LRRIQ3: variants seen among roughly 807,000 people sequenced by gnomAD.
LRRIQ3 encodes leucine rich repeats and IQ motif containing 3.
A neutral mutation model predicts 59.3 loss-of-function variants in LRRIQ3; 75 were observed. The observed-to-expected ratio is 1.26, with a 90% confidence interval of 1.05 to 1.53. The LOEUF is 1.53. Among genes scored for constraint, LRRIQ3 ranks in the 40% most tolerant of loss-of-function variants. The probability of loss-of-function intolerance (pLI) is 0.00; values close to 1 mark genes in which losing one functional copy is unlikely to be tolerated. For synonymous variants in LRRIQ3, 250 were observed against 231.3 expected, an observed-to-expected ratio of 1.08 and a Z score of -0.73; for missense variants, 831 against 710.0, an observed-to-expected ratio of 1.17 and a Z score of -1.94.
At chr1:74,153,581 A>C (rs1374561828) in intron 4 of LRRIQ3, among the ~76,000 whole-genome samples, 1 of 152,158 alleles carries the variant, frequency 6.6e-6, no homozygotes, top group Non-Finnish European at 1.5e-5. Flanking sequence ...AGTATTTTTG[A>C]GCACCTAACA....
intron 4 of LRRIQ3, among the ~76,000 whole-genome samples, chr1:74,145,726 T>A (rs1647527812): frequency 6.6e-6 from 1 of 152,114 alleles, no homozygotes; most frequent in Admixed American, 6.6e-5. Context: ...CTTAATTATA[T>A]TTGTATTAAG....
intron 4 of LRRIQ3, among the ~76,000 whole-genome samples, chr1:74,141,116 A>T (rs1647235313): frequency 1.3e-5 from 2 of 151,836 alleles, no homozygotes; most frequent in African/African-American, 4.8e-5. Context: ...ATTAGGAATC[A>T]TAATTTGCGT....
intron 3 of LRRIQ3, among the ~76,000 whole-genome samples, chr1:74,176,579 G>A (rs1649652182): frequency 6.6e-6 from 1 of 152,086 alleles, no homozygotes; most frequent in Admixed American, 6.6e-5. Context: ...AGACTCTGAT[G>A]ACATGAAAGT....
intron 4 of LRRIQ3, among the ~76,000 whole-genome samples, chr1:74,124,499 G>C (rs1160654488): frequency 6.6e-6 from 1 of 151,794 alleles, no homozygotes; most frequent in African/African-American, 2.4e-5. Context: ...TGAGGTATTA[G>C]CGTTAAGCTG....
intron 4 of LRRIQ3, among the ~76,000 whole-genome samples, chr1:74,132,833 G>C (rs1002766054): frequency 8.5e-5 from 13 of 152,204 alleles, no homozygotes; most frequent in African/African-American, 2.9e-4. Flanking sequence ...AACATCAAAA[G>C]CAATGGCAAC....
chr1:74,160,238 T>C (rs1648582106), intron 3 of LRRIQ3, among the ~76,000 whole-genome samples: 1 of 152,082 alleles, frequency 6.6e-6, no homozygotes, highest in Admixed American at 6.6e-5. Flanking sequence ...AACACGAAAC[T>C]ACTTGTTGTC....
At chr1:74,089,123 C>T (rs1646366502) in intron 5 of LRRIQ3, among the ~76,000 whole-genome samples, 1 of 152,004 alleles carries the variant, frequency 6.6e-6, no homozygotes, top group South Asian at 2.1e-4. Context: ...ACTTTGTATC[C>T]TGTAGAACAG....
chr1:74,141,678 AT>A (rs1468870815), intron 4 of LRRIQ3, among the ~76,000 whole-genome samples: 12 of 151,868 alleles, frequency 7.9e-5, no homozygotes, highest in Admixed American at 3.3e-4. Context: ...TTGATAAAAA[AT>A]GTTCTGATTT....
chr1:74,117,918 T>C (rs1036432515), intron 4 of LRRIQ3, among the ~76,000 whole-genome samples: 2 of 151,960 alleles, frequency 1.3e-5, no homozygotes, highest in Non-Finnish European at 2.9e-5. Context: ...ATATGTAAAT[T>C]TACAGGGTTT....
chr1:74,121,265 T>C (rs1367111210), intron 4 of LRRIQ3, among the ~76,000 whole-genome samples: 2 of 152,160 alleles, frequency 1.3e-5, no homozygotes, highest in East Asian at 3.9e-4. Context: ...CTAGATATCA[T>C]TCTTATTTTG....
chr1:74,144,967 T>C (rs1647468821), intron 4 of LRRIQ3, among the ~76,000 whole-genome samples: 1 of 152,030 alleles, frequency 6.6e-6, no homozygotes, highest in Non-Finnish European at 1.5e-5. Flanking sequence ...TATTTTTACC[T>C]ACAGAAATAT....
At chr1:74,102,671 T>C (rs1267838684) in intron 5 of LRRIQ3, among the ~76,000 whole-genome samples, 1 of 152,018 alleles carries the variant, frequency 6.6e-6, no homozygotes, top group Non-Finnish European at 1.5e-5. Flanking sequence ...GAACACTTCC[T>C]AGTTCCTTTC....
At chr1:74,192,789 T>C (rs1650850575) in intron 1 of LRRIQ3, among the ~76,000 whole-genome samples, 1 of 152,192 alleles carries the variant, frequency 6.6e-6, no homozygotes, top group Non-Finnish European at 1.5e-5. Context: ...ATATTCAGAA[T>C]ATAACGTATG....
At position 74,041,804 on chromosome 1, in the gene LRRIQ3, TG is replaced by T; in HGVS notation, c.1126del (p.His376IlefsTer29). ...TGGCTGAGGATATGCAGGAAAAAAATGTTGTTTTTTCTCTCTCAATACTGCA... is the reference window on the plus strand; with the variant it reads ...TGGCTGAGGATATGCAGGAAAAAAATTTGTTTTTTCTCTCTCAATACTGCA... ...NNAVLREKKQ[H>X]FFPAYPQPIY... On this transcript the variant is annotated frameshift_variant, in exon 7 of 8. Transcript: ENST00000354431. LOFTEE classifies it high-confidence loss of function. 1 of 1,613,414 alleles carries T rather than the reference TG, an allele frequency of 6.2e-7. No individual in the cohort carries two copies. The highest frequency in any genetic ancestry group is 8.5e-7 in the Non-Finnish European group (1 of 1,179,694).
intron 6 of LRRIQ3, among the ~76,000 whole-genome samples, chr1:74,074,203 A>C (rs763545314): frequency 2.0e-5 from 3 of 152,132 alleles, no homozygotes; most frequent in Non-Finnish European, 4.4e-5. Flanking sequence ...GATATCCATA[A>C]AGTAACCTTC....
At chr1:74,027,177 A>T (rs561639323) in intron 7 of LRRIQ3, among the ~76,000 whole-genome samples, 14 of 152,234 alleles carry the variant, frequency 9.2e-5, no homozygotes, top group African/African-American at 3.4e-4. Context: ...TATAATTAAA[A>T]ATTCTCACAA....
At chr1:74,049,267 C>T (rs1489189679) in intron 6 of LRRIQ3, among the ~76,000 whole-genome samples, 4 of 152,086 alleles carry the variant, frequency 2.6e-5, no homozygotes, top group African/African-American at 4.8e-5. Context: ...TGGTAGGTCA[C>T]AGAATAAAAG....
At chr1:74,049,353 T>G (rs894216074) in intron 6 of LRRIQ3, among the ~76,000 whole-genome samples, 1 of 152,150 alleles carries the variant, frequency 6.6e-6, no homozygotes, top group Admixed American at 6.6e-5. Context: ...ATGAAGACAA[T>G]GGATTTGAAT....
intron 7 of LRRIQ3, among the ~76,000 whole-genome samples, chr1:74,034,785 T>C (rs989229821): frequency 7.6e-6 from 1 of 131,162 alleles, no homozygotes; most frequent in Non-Finnish European, 1.7e-5. Context: ...TGCTTATAAG[T>C]AGGAAAAGGC....
Sources: gnomAD v4.1 joint callset for allele counts (sites outside exome capture counted in the v4.1 genomes callset) on GRCh38, gnomAD v4.1.1 for gene constraint, MANE v1.5 for transcripts, NCBI Gene and HGNC (gene_info 2026-07-23, HGNC 2026-07-21) for gene names.